The following NRXN3 variants were observed in gnomAD, a reference collection of about 807,000 sequenced individuals.
NRXN3 encodes neurexin 3.
In NRXN3, 32 loss-of-function variants were observed where a neutral mutation model predicts 137.6. The observed-to-expected ratio is 0.23, with a 90% confidence interval of 0.18 to 0.31. The LOEUF (loss-of-function observed/expected upper bound fraction) is 0.31. NRXN3 is among the 10% of genes least tolerant of loss of function. NRXN3 has a pLI of 1.00. For missense variants in NRXN3, 1,574 were observed against 2,062.5 expected, an observed-to-expected ratio of 0.76 and a Z score of 4.59; for synonymous variants, 798 against 784.5, an observed-to-expected ratio of 1.02 and a Z score of -0.29.
chr14:79,130,335 T>G (rs2057270011), intron 15 of NRXN3, among the ~76,000 whole-genome samples: 1 of 152,208 alleles, frequency 6.6e-6, no homozygotes, highest in Admixed American at 6.5e-5. Context: ...CCTTTCCATG[T>G]TTAGCACTTC....
intron 10 of NRXN3, among the ~76,000 whole-genome samples, chr14:78,840,350 A>AT (rs1362818465): frequency 2.0e-5 from 3 of 152,214 alleles, no homozygotes; most frequent in Non-Finnish European, 2.9e-5. Flanking sequence ...ATTTAGAAAC[A>AT]TTTGAAGAGG....
chr14:78,388,280 C>T (rs2090264424), intron 4 of NRXN3, among the ~76,000 whole-genome samples: 1 of 152,134 alleles, frequency 6.6e-6, no homozygotes, highest in Non-Finnish European at 1.5e-5. Flanking sequence ...TACATTTAGG[C>T]TTATTGAGTG....
intron 4 of NRXN3, among the ~76,000 whole-genome samples, chr14:78,598,998 T>A (rs1217595008): frequency 6.6e-6 from 1 of 152,158 alleles, no homozygotes; most frequent in Non-Finnish European, 1.5e-5. Flanking sequence ...CTTAGTAGGG[T>A]CTTCTTACCC....
intron 1 of NRXN3, among the ~76,000 whole-genome samples, chr14:78,206,641 G>A (rs751156259): frequency 6.6e-6 from 1 of 152,138 alleles, no homozygotes; most frequent in Admixed American, 6.5e-5. Context: ...CAGGACTACC[G>A]CCTGCACTCC....
chr14:78,829,827 A>C (rs1310903385), intron 10 of NRXN3, among the ~76,000 whole-genome samples: 1 of 152,180 alleles, frequency 6.6e-6, no homozygotes, highest in Non-Finnish European at 1.5e-5. Context: ...TCAGTTAAGT[A>C]GAATGTGAGA....
intron 7 of NRXN3, among the ~76,000 whole-genome samples, chr14:78,710,838 C>A (rs950924600): frequency 1.3e-5 from 2 of 152,254 alleles, no homozygotes; most frequent in South Asian, 4.1e-4. Flanking sequence ...AGATTGCAGC[C>A]CTGGCTATTT....
chr14:79,483,876 T>G (rs1406473684), intron 16 of NRXN3, among the ~76,000 whole-genome samples: 2 of 152,302 alleles, frequency 1.3e-5, no homozygotes, highest in Middle Eastern at 3.4e-3. Context: ...GGCCATCTTA[T>G]AAATTTGGAC....
chr14:78,206,999 G>A (rs767260402), intron 1 of NRXN3, among the ~76,000 whole-genome samples: 3 of 151,946 alleles, frequency 2.0e-5, no homozygotes, highest in Non-Finnish European at 4.4e-5. Context: ...GAGCACCTGC[G>A]ATTACAGGTG....
intron 4 of NRXN3, among the ~76,000 whole-genome samples, chr14:78,408,832 G>C (rs1433504036): frequency 6.6e-6 from 1 of 152,234 alleles, no homozygotes; most frequent in Non-Finnish European, 1.5e-5. Flanking sequence ...AAGTCAGGTT[G>C]AAGATGGTTT....
chr14:78,474,422 C>G (rs1346905919), intron 4 of NRXN3, among the ~76,000 whole-genome samples: 1 of 152,076 alleles, frequency 6.6e-6, no homozygotes, highest in Non-Finnish European at 1.5e-5. Context: ...ATCCCTGAGG[C>G]ATTTATTAAA....
chr14:78,557,818 C>G (rs771240303), intron 4 of NRXN3, among the ~76,000 whole-genome samples: 18 of 152,182 alleles, frequency 1.2e-4, no homozygotes, highest in Non-Finnish European at 2.2e-4. Flanking sequence ...CAGTCAGAAT[C>G]GACTGCAATC....
At chr14:79,014,691 G>A (rs866467269) in intron 15 of NRXN3, among the ~76,000 whole-genome samples, 3 of 152,142 alleles carry the variant, frequency 2.0e-5, no homozygotes, top group Admixed American at 2.0e-4. Context: ...ACCATTGGTG[G>A]GGAGCTAGTG....
At chr14:79,106,360 C>T (rs1568305718) in intron 15 of NRXN3, among the ~76,000 whole-genome samples, 1 of 151,994 alleles carries the variant, frequency 6.6e-6, no homozygotes, top group Non-Finnish European at 1.5e-5. Context: ...TTCTTTCTTT[C>T]AATGAAATGA....
chr14:79,516,882 C>T (rs895791009), intron 16 of NRXN3, among the ~76,000 whole-genome samples: 2 of 152,122 alleles, frequency 1.3e-5, no homozygotes, highest in African/African-American at 4.8e-5. Flanking sequence ...AATGAACATG[C>T]CTTATTTACT....
intron 15 of NRXN3, among the ~76,000 whole-genome samples, chr14:79,157,735 T>C (rs1182573498): frequency 6.6e-6 from 1 of 151,828 alleles, no homozygotes; most frequent in African/African-American, 2.4e-5. Context: ...AATTCTTACC[T>C]GTTAGACTGG....
At chr14:79,297,117 A>G (rs1025611927) in intron 15 of NRXN3, among the ~76,000 whole-genome samples, 2 of 152,224 alleles carry the variant, frequency 1.3e-5, no homozygotes, top group African/African-American at 4.8e-5. Flanking sequence ...CACCTCCTCA[A>G]GGAAATCCCC....
At chr14:79,252,388 G>A (rs575133532) in intron 15 of NRXN3, among the ~76,000 whole-genome samples, 2 of 152,166 alleles carry the variant, frequency 1.3e-5, no homozygotes, top group South Asian at 2.1e-4. Flanking sequence ...CTTTTTAATT[G>A]CCAGGGATAT....
chr14:78,201,487 C>A (rs550087545), intron 1 of NRXN3, among the ~76,000 whole-genome samples: 2 of 152,240 alleles, frequency 1.3e-5, no homozygotes, highest in South Asian at 4.1e-4. Flanking sequence ...AGCCTGCTCA[C>A]GTTCTGTCCT....
intron 4 of NRXN3, among the ~76,000 whole-genome samples, chr14:78,502,128 C>T (rs2095889677): frequency 6.6e-6 from 1 of 152,108 alleles, no homozygotes; most frequent in African/African-American, 2.4e-5. Flanking sequence ...CTCTTTCCCC[C>T]AGCACAGAAA....
Sources: gnomAD v4.1 joint callset for allele counts (sites outside exome capture counted in the v4.1 genomes callset) on GRCh38, gnomAD v4.1.1 for gene constraint, MANE v1.5 for transcripts, NCBI Gene and HGNC (gene_info 2026-07-23, HGNC 2026-07-21) for gene names.